The following SUSD1 variants were observed in gnomAD, a reference collection of about 807,000 sequenced individuals.
SUSD1 encodes sushi domain-containing protein 1.
In SUSD1, 65 loss-of-function variants were observed where a neutral mutation model predicts 86.9. The observed-to-expected ratio is 0.75, with a 90% CI of 0.61 to 0.92. The LOEUF (loss-of-function observed/expected upper bound fraction) is 0.92, where lower values mean the gene tolerates loss of function less well. Ranked by LOEUF, SUSD1 falls within the 40% of genes least tolerant of loss-of-function variation. SUSD1 has a pLI of 0.00. For missense variants in SUSD1, 850 were observed against 929.7 expected (o/e 0.91, Z 1.11); for synonymous variants, 346 against 350.0 (o/e 0.99, Z 0.13).
chr9:112,068,784 G>A (rs1452519115), intron 12 of SUSD1, among the ~76,000 whole-genome samples: 2 of 152,004 alleles, frequency 1.3e-5, no homozygotes, highest in Non-Finnish European at 2.9e-5. Flanking sequence ...AATAGAAAAA[G>A]GGCAAAAATA....
chr9:112,050,332 C>T (rs983085653), intron 15 of SUSD1, among the ~76,000 whole-genome samples: 4 of 152,176 alleles, frequency 2.6e-5, no homozygotes, highest in African/African-American at 4.8e-5. Context: ...AGGTAACCCG[C>T]CTTGCACCCT....
chr9:112,166,351 T>A (rs1833827603), intron 1 of SUSD1, among the ~76,000 whole-genome samples: 1 of 152,182 alleles, frequency 6.6e-6, no homozygotes, highest in Admixed American at 6.5e-5. Flanking sequence ...CTCAGTTCTG[T>A]GCAAACCAAG....
intron 10 of SUSD1, among the ~76,000 whole-genome samples, chr9:112,097,651 G>A (rs762605574): frequency 2.0e-5 from 3 of 151,812 alleles, no homozygotes; most frequent in Non-Finnish European, 2.9e-5. Context: ...TGCCAGCCTC[G>A]GCCTCCCAAA....
chr9:112,154,131 T>C (rs1432814805), intron 2 of SUSD1, among the ~76,000 whole-genome samples: 2 of 152,154 alleles, frequency 1.3e-5, no homozygotes, highest in African/African-American at 4.8e-5. Flanking sequence ...CATCGTTATA[T>C]GGCACATGAC....
In SUSD1 at chr9:112,113,004, G is replaced by A; in HGVS notation, c.887-136C>T. 1 of 622,084 alleles carries A rather than the reference G, an allele frequency of 1.6e-6. No individual in the cohort carries two copies. The highest frequency in any genetic ancestry group is 2.9e-6 in the Non-Finnish European group (1 of 345,104). The allele number at this position is 622,084 out of a possible 1,614,324, so 38.5% of individuals were successfully genotyped here. A position where few individuals can be genotyped will look rare whatever the true frequency, so the allele number is the denominator to read the frequency against. ...TCCTCAGAGGCAGACACTGAGTCAG[G>A]CAATGCAAGCTCTCCCAAGCCAATC... On this transcript the variant is annotated intron_variant, in intron 6 of 16. Transcript: ENST00000374270. This position sits in a 1 kb window ranked among gnomAD's most constrained non-coding sequence, Gnocchi z 4.1.
intron 8 of SUSD1, among the ~76,000 whole-genome samples, chr9:112,104,356 A>G (rs189013287): frequency 1.3e-5 from 2 of 150,970 alleles, no homozygotes; most frequent in Non-Finnish European, 3.0e-5. Flanking sequence ...GGTATATATT[A>G]AAAAAAAATA....
At chr9:112,079,223 A>G (rs918059588) in intron 11 of SUSD1, among the ~76,000 whole-genome samples, 8 of 152,056 alleles carry the variant, frequency 5.3e-5, no homozygotes, top group Non-Finnish European at 2.9e-5. Context: ...TACTATAAAT[A>G]TTGTACTTAA....
At position 112,102,266 on chromosome 9, in the gene SUSD1, A is replaced by G. The variant is rs143439561; in HGVS notation, c.1191T>C (p.Asp397=). The G allele has an allele frequency of 5.7e-6, 9 of 1,578,864 alleles. No homozygotes were observed. The African/African-American group carries it at 9.5e-5, about 17-fold the overall frequency. The change falls in exon 9 of 17, where the codon GAT becomes GAC. Residue 397 remains aspartate (D), a synonymous_variant. Transcript: ENST00000374270. The part of the protein sequence containing the change: ...FQTAEVDLLE[D]DGSFNISIFN... ...ATATTGAAATATTGAAACTTCCATC[A>G]TCTTCTAAGAGATCAACTTCTAAAA...
chr9:112,056,451 A>C (rs1034784313), intron 14 of SUSD1, among the ~76,000 whole-genome samples: 4 of 152,218 alleles, frequency 2.6e-5, no homozygotes, highest in African/African-American at 9.6e-5. Context: ...AAGACAGTAA[A>C]TTTTATATTG....
chr9:112,175,001 C>T lies in SUSD1; in HGVS notation c.103+132G>A. ...CCGATCTCCAACGGCCGGCGCGGGC[C>T]CCACCTGCGCCCCACGCCTCGGCAC... On this transcript the variant is annotated intron_variant, in intron 1 of 16. Coordinates refer to ENST00000374270, the MANE Select transcript of SUSD1 (RefSeq NM_022486.5). The surrounding 1 kb of genome is among the most constrained non-coding windows in gnomAD (Gnocchi z 4.7). 1.6e-6 allele frequency: 1 copy of T among 635,356 alleles called. No individual in the cohort carries two copies. The highest frequency in any genetic ancestry group is 2.0e-6 in the Non-Finnish European group (1 of 509,046). 39.4% of individuals were successfully genotyped at this position (635,356 alleles called of 1,614,324 possible).
intron 1 of SUSD1, among the ~76,000 whole-genome samples, chr9:112,164,228 CCAGA>C (rs568656331): frequency 1.4e-3 from 214 of 151,994 alleles, no homozygotes; most frequent in African/African-American, 5.0e-3. Context: ...ATAAATAGCC[CCAGA>C]CAAACACATG....
chr9:112,143,887 A>G (rs2131763597), intron 3 of SUSD1, among the ~76,000 whole-genome samples: 1 of 152,294 alleles, frequency 6.6e-6, no homozygotes, highest in South Asian at 2.1e-4. Flanking sequence ...GCTGATAACC[A>G]TCACCGGCTC....
At chr9:112,087,097 CA>C (rs1446438168) in intron 10 of SUSD1, among the ~76,000 whole-genome samples, 1 of 151,932 alleles carries the variant, frequency 6.6e-6, no homozygotes, top group Non-Finnish European at 1.5e-5. Context: ...GAGTCCTATA[CA>C]TTAATAAACT....
chr9:112,123,709 C>A (rs1185242574), intron 6 of SUSD1, among the ~76,000 whole-genome samples: 2 of 151,784 alleles, frequency 1.3e-5, no homozygotes, highest in African/African-American at 2.4e-5. Flanking sequence ...CTGAGGCAGG[C>A]GAATCACTTG....
At chr9:112,100,755 C>A (rs963017841) in intron 9 of SUSD1, among the ~76,000 whole-genome samples, 1 of 150,824 alleles carries the variant, frequency 6.6e-6, no homozygotes, top group Non-Finnish European at 1.5e-5. Flanking sequence ...TTGCTTGAAC[C>A]TGGGAGAGGG....
intron 15 of SUSD1, among the ~76,000 whole-genome samples, chr9:112,044,363 T>C (rs1333444292): frequency 1.3e-5 from 2 of 152,230 alleles, no homozygotes; most frequent in Non-Finnish European, 2.9e-5. Context: ...TATTCATCCA[T>C]TCTGTGTCTC....
At chr9:112,125,566 G>C (rs1831739442) in intron 5 of SUSD1, among the ~76,000 whole-genome samples, 1 of 151,772 alleles carries the variant, frequency 6.6e-6, no homozygotes, top group South Asian at 2.1e-4. Context: ...GTTCTTCCAT[G>C]GTCAGAGAAA....
intron 15 of SUSD1, among the ~76,000 whole-genome samples, chr9:112,045,533 C>A (rs1827919603): frequency 8.7e-6 from 1 of 115,132 alleles, no homozygotes; most frequent in African/African-American, 4.3e-5. Flanking sequence ...ATTTCCCTGA[C>A]CAATTACTGA....
chr9:112,082,799 C>A (rs1829823709), intron 10 of SUSD1, among the ~76,000 whole-genome samples: 1 of 152,150 alleles, frequency 6.6e-6, no homozygotes, highest in South Asian at 2.1e-4. Context: ...CTCACTGCAG[C>A]CTTGACCTCC....
Sources: allele counts gnomAD v4.1 joint callset (sites outside exome capture counted in the v4.1 genomes callset), GRCh38; gene constraint gnomAD v4.1.1; non-coding constraint Gnocchi (gnomAD v3.1); transcripts MANE v1.5; gene names NCBI Gene and HGNC (gene_info 2026-07-23, HGNC 2026-07-21).